The following GLRA3 variants were observed in gnomAD, a reference collection of about 807,000 sequenced individuals.
GLRA3 encodes glycine receptor alpha 3.
Under a neutral mutation model 60.4 loss-of-function variants are expected in GLRA3, and 44 were observed. That is an observed-to-expected ratio of 0.73 (90% CI 0.57 to 0.94). The LOEUF (loss-of-function observed/expected upper bound fraction) is 0.94, where lower values mean the gene tolerates loss of function less well. GLRA3 is among the 40% of genes least tolerant of loss of function. The pLI is 0.00. For synonymous variants in GLRA3, 223 were observed against 192.9 expected (o/e 1.16, Z -1.29); for missense variants, 508 against 564.6 (o/e 0.90, Z 1.02).
intron 5 of GLRA3, among the ~76,000 whole-genome samples, chr4:174,692,419 A>G (rs967485609): frequency 1.3e-5 from 2 of 151,088 alleles, no homozygotes; most frequent in Non-Finnish European, 3.0e-5. Context: ...CTTCCCGGCC[A>G]CCACCCCATC....
At chr4:174,733,523 C>T (rs545794576) in intron 3 of GLRA3, among the ~76,000 whole-genome samples, 2 of 152,242 alleles carry the variant, frequency 1.3e-5, no homozygotes, top group Non-Finnish European at 2.9e-5. Flanking sequence ...GAACCTTCCC[C>T]CCTCTATCAG....
rs1477627299 is a variant in GLRA3, at chr4:174,642,032, T to C, written c.*1754A>G. The C allele has an allele frequency of 4.1e-6, 2 of 486,972 alleles. No homozygotes were observed. Among genetic ancestry groups the C allele is most frequent in the Non-Finnish European group, 5.3e-6 (2 of 374,560 alleles). 30.2% of individuals were successfully genotyped at this position (486,972 alleles called of 1,614,324 possible). On this transcript the variant is annotated 3_prime_UTR_variant, in exon 10 of 10. Transcript: ENST00000274093. ...GGTACTTACAGAGTAACAAATTCTT[T>C]TGGTTGTGTCATTTGCACATAATGC...
chr4:174,826,783 T>C (rs1740988073), intron 1 of GLRA3, among the ~76,000 whole-genome samples: 2 of 152,062 alleles, frequency 1.3e-5, no homozygotes, highest in African/African-American at 4.8e-5. Context: ...GTTTCCTTTG[T>C]GCTCAATACA....
At chr4:174,796,598 G>C (rs1003235291) in intron 1 of GLRA3, among the ~76,000 whole-genome samples, 1 of 151,346 alleles carries the variant, frequency 6.6e-6, no homozygotes, top group Admixed American at 6.6e-5. Context: ...GTGCAGAGGC[G>C]CGATCTTGGC....
chr4:174,729,233 T>C (rs1197959951), intron 3 of GLRA3, among the ~76,000 whole-genome samples: 1 of 152,246 alleles, frequency 6.6e-6, no homozygotes, highest in African/African-American at 2.4e-5. Flanking sequence ...GATATTTTCT[T>C]CTTTGCATTT....
At chr4:174,749,127 C>T (rs768739307) in intron 3 of GLRA3, among the ~76,000 whole-genome samples, 4 of 152,088 alleles carry the variant, frequency 2.6e-5, no homozygotes, top group Non-Finnish European at 4.4e-5. Flanking sequence ...TCAGTGACTG[C>T]TATTGTTTCT....
In GLRA3 at chr4:174,766,026, C is replaced by T. The variant is rs145793935; in HGVS notation, c.267+937G>A. Among the ~76,000 whole-genome samples the T allele has an allele frequency of 4.6e-5, 7 of 151,780 alleles. No individual in the cohort carries two copies. The East Asian group carries it at 1.2e-3, about 25-fold the overall frequency. On this transcript the variant is annotated intron_variant, in intron 3 of 9. Coordinates refer to ENST00000274093, the MANE Select transcript of GLRA3 (RefSeq NM_006529.4). ...ACACACTCACACACACCTCTACACA[C>T]ACTTACACCCTCATATATGTAAAAA...
chr4:174,691,190 T>C (rs886615194), intron 5 of GLRA3, among the ~76,000 whole-genome samples: 1 of 152,200 alleles, frequency 6.6e-6, no homozygotes, highest in Non-Finnish European at 1.5e-5. Flanking sequence ...GTCATTTTTT[T>C]GACTTTTTAG....
intron 1 of GLRA3, among the ~76,000 whole-genome samples, chr4:174,811,974 C>T (rs1483556674): frequency 2.0e-5 from 3 of 152,104 alleles, no homozygotes; most frequent in Non-Finnish European, 4.4e-5. Flanking sequence ...TGGTAAAATA[C>T]TTCCTAGAAC....
chr4:174,778,749 C>G (rs1415634453), intron 2 of GLRA3, among the ~76,000 whole-genome samples: 1 of 152,252 alleles, frequency 6.6e-6, no homozygotes, highest in Admixed American at 6.5e-5. Context: ...CACCCGAATA[C>G]TGCGCTTTTC....
At chr4:174,749,054 A>T (rs1379481346) in intron 3 of GLRA3, among the ~76,000 whole-genome samples, 1 of 152,132 alleles carries the variant, frequency 6.6e-6, no homozygotes, top group Non-Finnish European at 1.5e-5. Context: ...TCATGTCACT[A>T]GTTTCATGAT....
intron 2 of GLRA3, among the ~76,000 whole-genome samples, chr4:174,777,868 C>A (rs1324405745): frequency 6.6e-6 from 1 of 152,042 alleles, no homozygotes; most frequent in African/African-American, 2.4e-5. Context: ...TAAAACAAGT[C>A]TATTAATTTA....
intron 5 of GLRA3, among the ~76,000 whole-genome samples, chr4:174,706,178 C>A (rs1161239305): frequency 5.3e-5 from 8 of 151,450 alleles, no homozygotes; most frequent in Non-Finnish European, 8.8e-5. Context: ...TGCAGTGAGC[C>A]GAGTTCACGC....
intron 3 of GLRA3, among the ~76,000 whole-genome samples, chr4:174,760,314 T>G (rs1370105321): frequency 3.3e-5 from 5 of 152,190 alleles, no homozygotes; most frequent in Non-Finnish European, 5.9e-5. Context: ...GGGTAAATAC[T>G]AAGTGTTGGA....
At chr4:174,798,213 A>G (rs1382947987) in intron 1 of GLRA3, among the ~76,000 whole-genome samples, 1 of 152,224 alleles carries the variant, frequency 6.6e-6, no homozygotes, top group Non-Finnish European at 1.5e-5. Context: ...ATCAGTGCCC[A>G]GGCTCCTGAA....
intron 1 of GLRA3, among the ~76,000 whole-genome samples, chr4:174,795,608 A>G (rs1412176281): frequency 6.6e-6 from 1 of 152,218 alleles, no homozygotes; most frequent in African/African-American, 2.4e-5. Flanking sequence ...TAATAAAATT[A>G]AAGTGCATTT....
chr4:174,741,616 T>C (rs2111170716), intron 3 of GLRA3, among the ~76,000 whole-genome samples: 1 of 152,182 alleles, frequency 6.6e-6, no homozygotes, highest in Admixed American at 6.5e-5. Flanking sequence ...TTATTTATAT[T>C]TTTTAAATTG....
intron 2 of GLRA3, among the ~76,000 whole-genome samples, chr4:174,770,064 C>A (rs1215329256): frequency 6.6e-6 from 1 of 152,174 alleles, no homozygotes; most frequent in South Asian, 2.1e-4. Context: ...TTTGAAGTTG[C>A]AATTTACATT....
chr4:174,782,650 C>A (rs1738931772), intron 2 of GLRA3, among the ~76,000 whole-genome samples: 1 of 152,154 alleles, frequency 6.6e-6, no homozygotes, highest in Non-Finnish European at 1.5e-5. Context: ...GTACAAAAAT[C>A]ACAAGCATTC....
Sources: allele counts gnomAD v4.1 joint callset (sites outside exome capture counted in the v4.1 genomes callset), GRCh38; gene constraint gnomAD v4.1.1; transcripts MANE v1.5; gene names NCBI Gene and HGNC (gene_info 2026-07-23, HGNC 2026-07-21).